TRAF3IP3: variants seen among roughly 807,000 people sequenced by gnomAD.
TRAF3IP3 encodes the protein TRAF3 interacting protein 3, also known as TRAF3-interacting JNK-activating modulator.
A neutral mutation model predicts 86.5 loss-of-function variants in TRAF3IP3; 64 were observed. The ratio of observed to expected loss-of-function variants is 0.74; its 90% CI spans 0.60 to 0.91. The LOEUF is 0.91. TRAF3IP3 is among the 40% of genes least tolerant of loss of function. The pLI, the probability that TRAF3IP3 is intolerant of heterozygous loss-of-function variation, is 0.00. For missense variants in TRAF3IP3, 579 were observed against 642.9 expected, an observed-to-expected ratio of 0.90 and a Z score of 1.07; for synonymous variants, 220 against 243.9, an observed-to-expected ratio of 0.90 and a Z score of 0.91.
intron 8 of TRAF3IP3, among the ~76,000 whole-genome samples, chr1:209,771,983 G>A (rs1004499108): frequency 2.1e-5 from 3 of 145,732 alleles, no homozygotes; most frequent in South Asian, 2.3e-4. Flanking sequence ...GTGGAGGTAC[G>A]TGTGTGCAGG....
chr1:209,779,055 G>T (rs1364829742), intron 13 of TRAF3IP3: 18 of 533,264 alleles, frequency 3.4e-5, no homozygotes, highest in Non-Finnish European at 5.0e-5. Flanking sequence ...TTCTTATAAG[G>T]ACACCAGTGA....
At chr1:209,773,078 T>C in intron 9 of TRAF3IP3, 59 bp downstream of exon 9, 1 of 1,427,740 alleles carries the variant, frequency 7.0e-7, no homozygotes, top group Non-Finnish European at 9.7e-7. Context: ...AGAAGAATGT[T>C]TTTGAACCTC....
intron 8 of TRAF3IP3, among the ~76,000 whole-genome samples, chr1:209,767,648 TG>T (rs2077382395): frequency 6.7e-6 from 1 of 149,926 alleles, no homozygotes; most frequent in African/African-American, 2.5e-5. Flanking sequence ...TACTCCTGCA[TG>T]GGGTAACAGA....
chr1:209,760,229 C>T lies in TRAF3IP3; in HGVS notation c.190C>T (p.Gln64Ter). 1 of 1,614,244 alleles carries T rather than the reference C, an allele frequency of 6.2e-7. No individual in the cohort carries two copies. The highest frequency in any genetic ancestry group is 8.5e-7 in the Non-Finnish European group (1 of 1,180,042). ...GCAGCTCCAGAGAGCTCGACTGCAG[C>T]AGTTCTTCAGGAGGAGGAACCTGGA... Reference protein sequence around the residue: ...REQLQRARLQQFFRRRNLELE... With the variant: ...REQLQRARLQ Residue 64 changes from glutamine (Q) to a stop codon, truncating the protein, a stop_gained, in exon 3 of 17, where the codon CAG (glutamine) becomes TAG (stop). Coordinates refer to ENST00000367025, the MANE Select transcript of TRAF3IP3 (RefSeq NM_025228.4). LOFTEE classifies it high-confidence loss of function.
intron 12 of TRAF3IP3, 58 bp from the exon 13 acceptor site, chr1:209,778,053 T>C: frequency 7.0e-7 from 1 of 1,431,986 alleles, no homozygotes; most frequent in Non-Finnish European, 9.8e-7. Flanking sequence ...CCATCCTAAG[T>C]ACTGAGTTCA....
chr1:209,764,743 C>CA (rs58783495), intron 8 of TRAF3IP3, among the ~76,000 whole-genome samples: 25,145 of 99,602 alleles, frequency 0.25, 2,878 homozygotes, highest in Non-Finnish European at 0.33. Context: ...GACTCCATCT[C>CA]AAAAAAAAAA....
At chr1:209,760,731 G>A (rs955606370) in intron 3 of TRAF3IP3, among the ~76,000 whole-genome samples, 12 of 152,108 alleles carry the variant, frequency 7.9e-5, no homozygotes, top group African/African-American at 2.9e-4. Context: ...CCAGGAGTTC[G>A]AGACCAGCCT....
In TRAF3IP3 at chr1:209,780,583, C is replaced by T; in HGVS notation, c.1426C>T (p.Gln476Ter). Reference sequence around the variant, plus strand: ...AGACCAGCTGCAAAAGAAGACTTTGCAGCTCCAGGCCAAGGAAAAGGAGGT... The same window carrying T: ...AGACCAGCTGCAAAAGAAGACTTTGTAGCTCCAGGCCAAGGAAAAGGAGGT... ...LRDQLQKKTL[Q>*]LQAKEKECRE... The change falls in exon 15 of 17, where the codon CAG becomes TAG. Residue 476 changes from glutamine to a stop codon, truncating the protein, a stop_gained. Coordinates refer to ENST00000367025, the MANE Select transcript of TRAF3IP3 (RefSeq NM_025228.4). LOFTEE classifies it high-confidence loss of function. 2 of 1,591,674 alleles carry T rather than the reference C, an allele frequency of 1.3e-6. No homozygotes were observed. The highest frequency in any genetic ancestry group is 1.1e-5 in the South Asian group (1 of 88,410).
chr1:209,769,487 A>G (rs1237871497), intron 8 of TRAF3IP3, among the ~76,000 whole-genome samples: 2 of 152,266 alleles, frequency 1.3e-5, no homozygotes, highest in South Asian at 2.1e-4. Context: ...AGCAGGAGGC[A>G]CTTTAAAAAA....
chr1:209,758,193 G>T (rs1301203903), intron 1 of TRAF3IP3, among the ~76,000 whole-genome samples: 1 of 152,176 alleles, frequency 6.6e-6, no homozygotes, highest in African/African-American at 2.4e-5. Context: ...AAAGAAAGTG[G>T]CAGGGAAGAA....
rs573710997 is a variant in TRAF3IP3 at position 209,760,392 on chromosome 1, G to C, written c.345+8G>C. 3 of 1,569,870 alleles carry C rather than the reference G, an allele frequency of 1.9e-6. No homozygotes were observed. The highest frequency in any genetic ancestry group is 1.2e-5 in the South Asian group (1 of 85,950). Reference sequence around the variant, plus strand: ...TCTTCTCCCAGAGAGCAGGTGGGCCGTGTCAAGGGACATACTGCTGTGTGC... The same window carrying C: ...TCTTCTCCCAGAGAGCAGGTGGGCCCTGTCAAGGGACATACTGCTGTGTGC... On this transcript the variant is annotated splice_region_variant and intron_variant, in intron 3 of 16. Transcript: ENST00000367025.
chr1:209,780,120 G>A (rs1487523361), intron 14 of TRAF3IP3: 1 of 164,328 alleles, frequency 6.1e-6, no homozygotes, highest in Non-Finnish European at 1.3e-5. Flanking sequence ...AAAAGGGATT[G>A]TATTAAAGCA....
chr1:209,779,421 A>C (rs1571966270), intron 14 of TRAF3IP3, 47 bp downstream of exon 14: 1 of 1,550,022 alleles, frequency 6.5e-7, no homozygotes, highest in Non-Finnish European at 8.9e-7. Context: ...CTCTTCTCTT[A>C]CCTGCCTAGA....
chr1:209,759,947 C>T, intron 2 of TRAF3IP3, 35 bp from the exon 3 acceptor site: 1 of 1,048,800 alleles, frequency 9.5e-7, no homozygotes, highest in Non-Finnish European at 1.4e-6. Context: ...CATCTTCTGA[C>T]CCCTCCCCTT....
intron 1 of TRAF3IP3, chr1:209,758,766 G>C (rs1238055431): frequency 6.5e-6 from 1 of 152,876 alleles, no homozygotes; most frequent in Admixed American, 6.5e-5. Context: ...GCAGGACACA[G>C]AATTTCCAAC....
chr1:209,781,141 T>C (rs1284307731), intron 15 of TRAF3IP3: 4 of 395,260 alleles, frequency 1.0e-5, no homozygotes, highest in East Asian at 4.7e-5. Context: ...TACTATAATA[T>C]GCATTACTGT....
chr1:209,775,306 C>G, intron 9 of TRAF3IP3, 43 bp from the exon 10 acceptor site: 9 of 1,562,840 alleles, frequency 5.8e-6, no homozygotes, highest in Non-Finnish European at 7.8e-6. Flanking sequence ...ATTTGGCACA[C>G]AGAAGCTCAA....
In TRAF3IP3 at chr1:209,775,751, G is replaced by A; in HGVS notation, c.1053+15G>A. 2 of 1,600,980 alleles carry A rather than the reference G, an allele frequency of 1.2e-6. No individual in the cohort carries two copies. Among genetic ancestry groups the A allele is most frequent in the Non-Finnish European group, 1.7e-6 (2 of 1,173,474 alleles). On this transcript the variant is annotated intron_variant, in intron 11 of 16. Transcript: ENST00000367025. ...CCAAACTGCAGGTACCAGGCACTGG[G>A]GGTGGGGAGGGAAGACAGGGTATGG...
At chr1:209,763,623 G>T (rs762945278) in intron 8 of TRAF3IP3, 36 bp downstream of exon 8, 24 of 1,522,496 alleles carry the variant, frequency 1.6e-5, no homozygotes, top group Admixed American at 5.1e-5. Context: ...CAAAGCTTGG[G>T]CTTCTATGTG....
Sources: allele counts gnomAD v4.1 joint callset (sites outside exome capture counted in the v4.1 genomes callset), GRCh38; gene constraint gnomAD v4.1.1; transcripts MANE v1.5; gene names NCBI Gene and HGNC (gene_info 2026-07-23, HGNC 2026-07-21).